Variants in PLEKHA6 observed in about 807,000 individuals in gnomAD.
PLEKHA6 encodes the protein pleckstrin homology domain containing A6, also known as pleckstrin homology domain-containing family A member 6.
Under a neutral mutation model 116.7 loss-of-function variants are expected in PLEKHA6, and 60 were observed. That is an observed-to-expected ratio of 0.51 (90% CI 0.42 to 0.64). PLEKHA6 has a LOEUF of 0.64. Ranked by LOEUF, PLEKHA6 falls within the 30% of genes least tolerant of loss-of-function variation. PLEKHA6 has a pLI of 0.00. For missense variants in PLEKHA6, 1,338 were observed against 1,422.7 expected, an observed-to-expected ratio of 0.94 and a Z score of 0.96; for synonymous variants, 489 against 556.1, an observed-to-expected ratio of 0.88 and a Z score of 1.70.
intron 7 of PLEKHA6, among the ~76,000 whole-genome samples, chr1:204,260,986 G>A (rs764752643): frequency 3.9e-5 from 6 of 152,144 alleles, no homozygotes; most frequent in African/African-American, 7.2e-5. Context: ...CTCCAAAGGC[G>A]GTGTGCTTAA....
chr1:204,239,372 A>T (rs1479859217), intron 17 of PLEKHA6, among the ~76,000 whole-genome samples: 3 of 152,188 alleles, frequency 2.0e-5, no homozygotes, highest in African/African-American at 7.2e-5. Context: ...CTTGGGGTGA[A>T]CAACCAGCTA....
In PLEKHA6 at chr1:204,245,602, A is replaced by G; in HGVS notation, c.2032+13T>C. On this transcript the variant is annotated intron_variant, in intron 14 of 22. Coordinates refer to ENST00000272203, the MANE Select transcript of PLEKHA6 (RefSeq NM_014935.5). Reference sequence around the variant, plus strand: ...GGCAGGCAGCCTAGGAGGCTGGCACAGGAGGCACCCACCTCTGTGCTTGGC... The same window carrying G: ...GGCAGGCAGCCTAGGAGGCTGGCACGGGAGGCACCCACCTCTGTGCTTGGC... 6.5e-7 allele frequency: 1 copy of G among 1,541,884 alleles called. No individual in the cohort carries two copies. The highest frequency in any genetic ancestry group is 9.0e-7 in the Non-Finnish European group (1 of 1,115,312).
chr1:204,340,119 C>G (rs1367885062), intron 1 of PLEKHA6, among the ~76,000 whole-genome samples: 1 of 151,974 alleles, frequency 6.6e-6, no homozygotes, highest in Non-Finnish European at 1.5e-5. Flanking sequence ...TGGAAGGAGA[C>G]AATATTTTGG....
intron 9 of PLEKHA6, among the ~76,000 whole-genome samples, chr1:204,252,837 T>G (rs766708418): frequency 6.6e-6 from 1 of 152,234 alleles, no homozygotes; most frequent in African/African-American, 2.4e-5. Flanking sequence ...AGCCCTGTAA[T>G]GCAAGGGCCT....
At chr1:204,231,358 A>G (rs6593997) in intron 17 of PLEKHA6, among the ~76,000 whole-genome samples, 78,408 of 151,922 alleles carry the variant, frequency 0.52, 20,867 homozygotes, top group African/African-American at 0.66. Context: ...GTTATGCCTC[A>G]GTATCCCAGG....
chr1:204,324,006 T>C (rs2103238234), intron 1 of PLEKHA6, among the ~76,000 whole-genome samples: 1 of 152,316 alleles, frequency 6.6e-6, no homozygotes, highest in African/African-American at 2.4e-5. Flanking sequence ...ATTACAAGCA[T>C]ACTGAGTGAG....
chr1:204,316,540 C>T (rs1290833021), intron 1 of PLEKHA6, among the ~76,000 whole-genome samples: 4 of 152,188 alleles, frequency 2.6e-5, no homozygotes, highest in African/African-American at 4.8e-5. Context: ...GCAGAGCCTC[C>T]GGAGCTGAGT....
In PLEKHA6 at chr1:204,261,407, C is replaced by T. The variant is rs1666095912; in HGVS notation, c.423G>A (p.Glu141=). 1 of 1,613,958 alleles carries T rather than the reference C, an allele frequency of 6.2e-7. No individual in the cohort carries two copies. The highest frequency in any genetic ancestry group is 8.5e-7 in the Non-Finnish European group (1 of 1,179,918). ...AGVRTYFFSA[E]SPEEQEAWIQ... ...TCCAGGCCTCTTGCTCCTCGGGGCT[C>T]TCGGCACTGAAGAAGTAGGTGCGGA... is the stretch of plus-strand genomic sequence containing the variant. The change falls in exon 7 of 23, where the codon GAG becomes GAA. Residue 141 remains glutamate (E), a synonymous_variant. Transcript: ENST00000272203. The surrounding 1 kb of genome is among the most constrained non-coding windows in gnomAD (Gnocchi z 4.0).
In PLEKHA6 at chr1:204,229,000, T is replaced by A; in HGVS notation, c.2688A>T (p.Glu896Asp). ...GGHAYETPREEIARLRKMELE... is the reference protein window; with the variant it reads ...GGHAYETPREDIARLRKMELE... ...GCTCCATTTTGCGAAGCCGGGCAAT[T>A]TCCTCCCGGGGTGTCTCGTAGGCAT... The change falls in exon 19 of 23, where the codon GAA (glutamate) becomes GAT (aspartate). Residue 896 changes from glutamate to aspartate, a missense_variant. Transcript: ENST00000272203. The surrounding 1 kb of genome is among the most constrained non-coding windows in gnomAD (Gnocchi z 4.0). 6.2e-7 allele frequency: 1 copy of A among 1,614,162 alleles called. No homozygotes were observed. The highest frequency in any genetic ancestry group is 2.2e-5 in the East Asian group (1 of 44,886).
chr1:204,346,150 C>A (rs1231788267), intron 1 of PLEKHA6, among the ~76,000 whole-genome samples: 2 of 152,184 alleles, frequency 1.3e-5, no homozygotes, highest in Non-Finnish European at 2.9e-5. Context: ...CACAAGTGGG[C>A]AGCAGGGAGC....
intron 1 of PLEKHA6, chr1:204,371,665 C>T (rs1673780751): frequency 6.6e-6 from 1 of 152,230 alleles, no homozygotes; most frequent in Admixed American, 6.5e-5. Context: ...GAGCAGGACA[C>T]TCATCTCCAG....
intron 9 of PLEKHA6, among the ~76,000 whole-genome samples, chr1:204,252,030 A>T (rs897873976): frequency 1.3e-5 from 2 of 152,010 alleles, no homozygotes; most frequent in African/African-American, 2.4e-5. Context: ...ACCAAAAAAG[A>T]AAATCTAGGA....
intron 4 of PLEKHA6, among the ~76,000 whole-genome samples, chr1:204,267,781 C>G (rs1283115160): frequency 6.6e-6 from 1 of 152,126 alleles, no homozygotes; most frequent in Non-Finnish European, 1.5e-5. Context: ...GGGAGGATAA[C>G]AGGGGCAAGA....
At chr1:204,367,597 T>C (rs1042603977) in intron 3 of PLEKHA6, among the ~76,000 whole-genome samples, 2 of 152,068 alleles carry the variant, frequency 1.3e-5, no homozygotes, top group African/African-American at 4.8e-5. Flanking sequence ...CACTGGTTAC[T>C]GCCCAGGCCA....
intron 14 of PLEKHA6, 89 bp downstream of exon 14, chr1:204,245,526 G>C (rs938432363): frequency 5.1e-6 from 4 of 777,166 alleles, no homozygotes; most frequent in Non-Finnish European, 8.8e-6. Context: ...AACACAGTGT[G>C]AGCTGGCAGG....
chr1:204,363,698 G>C (rs965951761), upstream of PLEKHA6, among the ~76,000 whole-genome samples: 1 of 152,140 alleles, frequency 6.6e-6, no homozygotes, highest in Non-Finnish European at 1.5e-5. Flanking sequence ...CAGAAAGACA[G>C]CTACCAGACC....
At chr1:204,289,538 G>A (rs140116206) in intron 1 of PLEKHA6, among the ~76,000 whole-genome samples, 7 of 152,170 alleles carry the variant, frequency 4.6e-5, no homozygotes, top group Admixed American at 3.9e-4. Flanking sequence ...AGCAGCCCGC[G>A]GGGTGGCTGG....
chr1:204,345,429 T>C (rs956932633), intron 1 of PLEKHA6, among the ~76,000 whole-genome samples: 11 of 152,120 alleles, frequency 7.2e-5, no homozygotes, highest in Admixed American at 3.3e-4. Context: ...CTCAGCCCCC[T>C]GGCCCCACTC....
In PLEKHA6 at chr1:204,228,795, T is replaced by G; in HGVS notation, c.2818A>C (p.Ser940Arg). 1.2e-6 allele frequency: 2 copies of G among 1,613,322 alleles called. No individual in the cohort carries two copies. The highest frequency in any genetic ancestry group is 2.2e-5 in the South Asian group (2 of 91,066). ...YIDLEPDTPLSPEELKEKQKK... is the reference protein window; with the variant it reads ...YIDLEPDTPLRPEELKEKQKK... Reference sequence around the variant, plus strand: ...TGCTTCTCCTTCAACTCCTCAGGGCTCAGGGGAGTGTCAGGCTCCAGGTCA... The same window carrying G: ...TGCTTCTCCTTCAACTCCTCAGGGCGCAGGGGAGTGTCAGGCTCCAGGTCA... Residue 940 changes from serine (S) to arginine (R), a missense_variant, in exon 20 of 23, where the codon AGC becomes CGC. This residue lies in a region of PLEKHA6 where 1,136 missense variants were observed against 1,163.6 expected (regional missense o/e 0.98). Coordinates refer to ENST00000272203, the MANE Select transcript of PLEKHA6 (RefSeq NM_014935.5). This position sits in a 1 kb window ranked among gnomAD's most constrained non-coding sequence, Gnocchi z 4.0.
Sources: gnomAD v4.1 joint callset for allele counts (sites outside exome capture counted in the v4.1 genomes callset) on GRCh38, gnomAD v4.1.1 for gene constraint, gnomAD v4.1.1 regional missense constraint, Gnocchi (gnomAD v3.1) non-coding constraint, MANE v1.5 for transcripts, NCBI Gene and HGNC (gene_info 2026-07-23, HGNC 2026-07-21) for gene names.